The following KALRN variants were observed in gnomAD, a reference collection of about 807,000 sequenced individuals.
The protein encoded by KALRN is kalirin.
Under a neutral mutation model 353.7 loss-of-function variants are expected in KALRN, and 70 were observed. That is an observed-to-expected ratio of 0.20 (90% confidence interval 0.16 to 0.24). The LOEUF (loss-of-function observed/expected upper bound fraction) is 0.24, where lower values mean the gene tolerates loss of function less well. Ranked by LOEUF, KALRN falls within the 10% of genes least tolerant of loss-of-function variation. The pLI, the probability that KALRN is intolerant of heterozygous loss-of-function variation, is 1.00. For missense variants in KALRN, 2,791 were observed against 3,756.7 expected (o/e 0.74, Z 6.72); for synonymous variants, 1,391 against 1,434.8 (o/e 0.97, Z 0.69).
rs148497827 is a variant in KALRN, at chr3:124,248,726, G to A, written c.263+13783G>A. ...TTCCCATTTGTTCTAGGTCAAGTGA[G>A]GACCAGCCTTGGTTTTGAGAGCTAC... On this transcript the variant is annotated intron_variant, in intron 3 of 59. Coordinates refer to ENST00000682506, the MANE Select transcript of KALRN (RefSeq NM_001388419.1). Among the ~76,000 whole-genome samples, 60 of 152,310 alleles carry A rather than the reference G, an allele frequency of 3.9e-4. No homozygotes were observed. In the East Asian group the frequency reaches 0.012, roughly 29 times the overall value.
intron 1 of KALRN, among the ~76,000 whole-genome samples, chr3:124,097,445 A>G (rs895432342): frequency 2.0e-5 from 3 of 152,222 alleles, no homozygotes; most frequent in African/African-American, 7.2e-5. Flanking sequence ...TGTCATCTTG[A>G]AAGTAACAGG....
At chr3:124,531,017 G>T (rs536714903) in intron 33 of KALRN, among the ~76,000 whole-genome samples, 2 of 152,158 alleles carry the variant, frequency 1.3e-5, no homozygotes, top group Non-Finnish European at 2.9e-5. Flanking sequence ...ATAGCAGGGG[G>T]CTCTGTTCAT....
chr3:124,594,634 C>T (rs990734389), intron 34 of KALRN, among the ~76,000 whole-genome samples: 1 of 152,188 alleles, frequency 6.6e-6, no homozygotes, highest in East Asian at 1.9e-4. Flanking sequence ...TGGGAAGATC[C>T]TGGGAAGAGT....
chr3:124,623,320 G>A (rs1161227543), intron 34 of KALRN, among the ~76,000 whole-genome samples: 7 of 149,574 alleles, frequency 4.7e-5, no homozygotes, highest in Admixed American at 6.7e-5. Flanking sequence ...CTTTTATTTG[G>A]TTACTAATTG....
At chr3:124,130,048 A>T (rs915163874) in intron 1 of KALRN, among the ~76,000 whole-genome samples, 1 of 152,178 alleles carries the variant, frequency 6.6e-6, no homozygotes, top group African/African-American at 2.4e-5. Flanking sequence ...ATAACAACTC[A>T]CTTACCTATT....
chr3:124,584,745 G>A (rs2074962169), intron 34 of KALRN: 3 of 1,528,806 alleles, frequency 2.0e-6, no homozygotes, highest in Non-Finnish European at 2.6e-6. Context: ...CGGCGGCGCT[G>A]AAGTTTCCTT....
intron 37 of KALRN, among the ~76,000 whole-genome samples, chr3:124,644,457 C>T (rs1361831372): frequency 6.6e-6 from 1 of 152,092 alleles, no homozygotes; most frequent in African/African-American, 2.4e-5. Context: ...GGTATTTCTC[C>T]TAATGCTATC....
At chr3:124,104,712 T>G (rs2062143992) in intron 1 of KALRN, among the ~76,000 whole-genome samples, 2 of 152,178 alleles carry the variant, frequency 1.3e-5, no homozygotes, top group African/African-American at 4.8e-5. Flanking sequence ...AAAAGGACCT[T>G]ACAACAAAAC....
chr3:124,092,850 C>T (rs543875043), intron 1 of KALRN, among the ~76,000 whole-genome samples: 63 of 152,222 alleles, frequency 4.1e-4, no homozygotes, highest in Non-Finnish European at 6.8e-4. Context: ...ACTTTGTGAA[C>T]GAAAAAGTAC....
chr3:124,198,823 G>A (rs1049846029), intron 1 of KALRN, among the ~76,000 whole-genome samples: 1 of 152,208 alleles, frequency 6.6e-6, no homozygotes, highest in South Asian at 2.1e-4. Flanking sequence ...TTTGGCTCCT[G>A]CATTGTTTTC....
At position 124,455,268 on chromosome 3, in the gene KALRN, T is replaced by C. The variant is rs2059194637; in HGVS notation, c.3644T>C (p.Val1215Ala). ...CATGCCACGGAGATAAGGAAATGGG[T>C]GACCACGGTGGACAAGCACTACAGA... ...HIHATEIRKW[V>A]TTVDKHYRDF... The change falls in exon 22 of 60, where the codon GTG becomes GCG. Residue 1215 changes from valine (V) to alanine (A), a missense_variant. Val to Ala is a moderately conservative substitution (Grantham distance 64). Transcript: ENST00000682506. 1.2e-6 allele frequency: 2 copies of C among 1,614,014 alleles called. No homozygotes were observed. The highest frequency in any genetic ancestry group is 1.7e-5 in the Admixed American group (1 of 60,006).
chr3:124,302,391 T>C (rs1272929951), intron 6 of KALRN, among the ~76,000 whole-genome samples: 1 of 152,216 alleles, frequency 6.6e-6, no homozygotes, highest in Admixed American at 6.5e-5. Flanking sequence ...GTCAGGTACA[T>C]TTTTCAATCA....
chr3:124,070,674 G>C (rs1481616316), intron 1 of KALRN, among the ~76,000 whole-genome samples: 1 of 152,204 alleles, frequency 6.6e-6, no homozygotes, highest in Non-Finnish European at 1.5e-5. Context: ...TGTTTCCTAA[G>C]TCTCAGTGCC....
At chr3:124,072,153 G>A (rs183366232) in intron 1 of KALRN, among the ~76,000 whole-genome samples, 1 of 152,332 alleles carries the variant, frequency 6.6e-6, no homozygotes, top group Admixed American at 6.5e-5. Context: ...TGTAGTGGGA[G>A]AGGAGCTATT....
Position 124,321,217 on chromosome 3 carries a change from T to G in KALRN, c.1093-4763T>G, listed in dbSNP as rs190176150. Among the ~76,000 whole-genome samples the G allele has an allele frequency of 1.3e-4, 20 of 152,274 alleles. No individual in the cohort carries two copies. In the East Asian group the frequency reaches 3.9e-3, roughly 29 times the overall value. On this transcript the variant is annotated intron_variant, in intron 6 of 59. Coordinates refer to ENST00000682506, the MANE Select transcript of KALRN (RefSeq NM_001388419.1). ...GAGTGGGGGCCTATGACCACAAAAG[T>G]GTAAAGTTCACCTCAGCTTTTAGGA... is the stretch of plus-strand genomic sequence containing the variant.
At chr3:124,637,711 G>A (rs761945874) in intron 37 of KALRN, among the ~76,000 whole-genome samples, 22 of 152,172 alleles carry the variant, frequency 1.4e-4, no homozygotes, top group Admixed American at 2.6e-4. Flanking sequence ...ATGGGGACTT[G>A]GGTAGCCTTC....
intron 33 of KALRN, among the ~76,000 whole-genome samples, chr3:124,555,062 T>G (rs1322678421): frequency 6.6e-6 from 1 of 151,990 alleles, no homozygotes; most frequent in Non-Finnish European, 1.5e-5. Context: ...GATCTAGGAG[T>G]CCCATCTTCC....
intron 3 of KALRN, among the ~76,000 whole-genome samples, chr3:124,255,954 G>A (rs577751436): frequency 1.3e-5 from 2 of 152,314 alleles, no homozygotes; most frequent in East Asian, 3.9e-4. Context: ...GTCTGTTTTA[G>A]CGAGGAGGAG....
intron 2 of KALRN, among the ~76,000 whole-genome samples, chr3:124,231,898 A>T (rs1333964647): frequency 6.6e-6 from 1 of 152,098 alleles, no homozygotes; most frequent in Non-Finnish European, 1.5e-5. Context: ...TCAATTATTG[A>T]TCAAATCCTA....
Sources: gnomAD v4.1 joint callset for allele counts (sites outside exome capture counted in the v4.1 genomes callset) on GRCh38, gnomAD v4.1.1 for gene constraint, MANE v1.5 for transcripts, NCBI Gene and HGNC (gene_info 2026-07-23, HGNC 2026-07-21) for gene names.